Variants in CDS2 observed in about 807,000 individuals in gnomAD.
The protein encoded by CDS2 is CDP-diacylglycerol synthase 2.
In CDS2, 47 loss-of-function variants were observed where a neutral mutation model predicts 59.0. The ratio of observed to expected loss-of-function variants is 0.80; its 90% confidence interval spans 0.63 to 1.02. The LOEUF (loss-of-function observed/expected upper bound fraction) is 1.02. Ranked by LOEUF, CDS2 falls within the 50% of genes least tolerant of loss-of-function variation. CDS2 has a pLI of 0.00. For missense variants in CDS2, 356 were observed against 558.9 expected (o/e 0.64, Z 3.66); for synonymous variants, 207 against 206.4 (o/e 1.00, Z -0.02).
chr20:5,143,469 C>T (rs958236611), intron 1 of CDS2, among the ~76,000 whole-genome samples: 5 of 152,172 alleles, frequency 3.3e-5, no homozygotes, highest in Admixed American at 3.3e-4. Flanking sequence ...CATGTATTCA[C>T]TGAAAGTCAA....
intron 2 of CDS2, 137 bp from the exon 3 acceptor site, chr20:5,175,046 C>G: frequency 1.5e-6 from 1 of 659,770 alleles, no homozygotes. Context: ...GTGGCTGGTG[C>G]CTCCGTCACG....
intron 1 of CDS2, among the ~76,000 whole-genome samples, chr20:5,150,753 C>T (rs929243889): frequency 1.3e-5 from 2 of 152,216 alleles, no homozygotes; most frequent in African/African-American, 4.8e-5. Flanking sequence ...TCTGTCTCCT[C>T]TCTAGGCTTC....
At chr20:5,151,741 A>G (rs536501959) in intron 1 of CDS2, among the ~76,000 whole-genome samples, 73 of 114,304 alleles carry the variant, frequency 6.4e-4, no homozygotes, top group African/African-American at 2.4e-3. Flanking sequence ...CCTGGCCTAG[A>G]CTCCATGTCT....
rs903879063 is a variant in CDS2, at chr20:5,192,966, G to C, written c.*2732G>C. 4 of 152,260 alleles carry C rather than the reference G, an allele frequency of 2.6e-5. No individual in the cohort carries two copies. Among genetic ancestry groups the C allele is most frequent in the Admixed American group, 6.5e-5 (1 of 15,288 alleles). 9.4% of individuals were successfully genotyped at this position (152,260 alleles called of 1,614,324 possible). On this transcript the variant is annotated 3_prime_UTR_variant, in exon 13 of 13. Coordinates refer to ENST00000460006, the MANE Select transcript of CDS2 (RefSeq NM_003818.4). ...CCCTGCTTGCTTTTGTGAACGTCGT[G>C]TGAGTACACCGAGGTGTTGCAGCTT...
chr20:5,168,637 C>T (rs766041959), intron 1 of CDS2: 9 of 518,378 alleles, frequency 1.7e-5, no homozygotes, highest in Non-Finnish European at 3.1e-5. Flanking sequence ...AAGTGAAGAC[C>T]GAAAGGGAGC....
chr20:5,189,954 T>G lies in CDS2; in HGVS notation c.1205+116T>G, dbSNP rs1243974675. 7 of 1,337,440 alleles carry G rather than the reference T, an allele frequency of 5.2e-6. No homozygotes were observed. The African/African-American group carries it at 1.0e-4, about 19-fold the overall frequency. 82.8% of individuals were successfully genotyped at this position (1,337,440 alleles called of 1,614,324 possible). On this transcript the variant is annotated intron_variant, in intron 12 of 12. Transcript: ENST00000460006. Reference sequence around the variant, plus strand: ...GCATCCCAAATAATGCAGTTTTCAGTTGTTTCTGCTTACAGATTTTCTGAG... The same window carrying G: ...GCATCCCAAATAATGCAGTTTTCAGGTGTTTCTGCTTACAGATTTTCTGAG...
intron 1 of CDS2, among the ~76,000 whole-genome samples, chr20:5,144,779 G>A (rs955194874): frequency 6.6e-6 from 1 of 152,160 alleles, no homozygotes; most frequent in Admixed American, 6.6e-5. Flanking sequence ...AACAATCCGT[G>A]TATGTCTTCC....
At chr20:5,137,248 C>CTTT (rs11297837) in intron 1 of CDS2, among the ~76,000 whole-genome samples, 1 of 141,574 alleles carries the variant, frequency 7.1e-6, no homozygotes, top group East Asian at 2.1e-4. Context: ...CATTTCTACC[C>CTTT]TTTTTTTTTT....
intron 1 of CDS2, among the ~76,000 whole-genome samples, chr20:5,148,035 T>A (rs1283189882): frequency 6.6e-6 from 1 of 152,106 alleles, no homozygotes; most frequent in African/African-American, 2.4e-5. Flanking sequence ...CTTGGCTCAC[T>A]GCAACCTCTA....
chr20:5,188,950 A>T, intron 10 of CDS2, 117 bp from the exon 11 acceptor site: 1 of 1,275,384 alleles, frequency 7.8e-7, no homozygotes, highest in Non-Finnish European at 1.1e-6. Context: ...ACCTCCCACT[A>T]GGCATCACCT....
intron 1 of CDS2, among the ~76,000 whole-genome samples, chr20:5,158,237 T>G (rs1438270053): frequency 6.7e-6 from 1 of 150,366 alleles, no homozygotes; most frequent in Non-Finnish European, 1.5e-5. Flanking sequence ...TGGCACAGTC[T>G]CGGCTCACTG....
At chr20:5,141,869 C>T (rs1284702964) in intron 1 of CDS2, among the ~76,000 whole-genome samples, 3 of 151,904 alleles carry the variant, frequency 2.0e-5, no homozygotes, top group African/African-American at 7.3e-5. Flanking sequence ...CATTTGGTCA[C>T]AGAAGTCTTC....
chr20:5,143,518 C>G (rs556325040), intron 1 of CDS2, among the ~76,000 whole-genome samples: 1 of 152,106 alleles, frequency 6.6e-6, no homozygotes, highest in African/African-American at 2.4e-5. Flanking sequence ...TGTAGTAGCC[C>G]CAAACTTCAA....
intron 1 of CDS2, among the ~76,000 whole-genome samples, chr20:5,134,802 T>C (rs2090635398): frequency 6.6e-6 from 1 of 152,226 alleles, no homozygotes. Context: ...ATTACAGGCA[T>C]GAGCCACCGT....
At position 5,194,854 on chromosome 20, in the gene CDS2, A is replaced by G. The variant is rs1357233707; in HGVS notation, c.*4620A>G. The G allele has an allele frequency of 6.6e-6, 1 of 152,132 alleles. No individual in the cohort carries two copies. 9.4% of individuals were successfully genotyped at this position (152,132 alleles called of 1,614,324 possible). A position where few individuals can be genotyped will look rare whatever the true frequency, so the allele number is the denominator to read the frequency against. On this transcript the variant is annotated 3_prime_UTR_variant, in exon 13 of 13. Transcript: ENST00000460006. ...TGAGATATCAGTGTGTTTATTAATA[A>G]GGATTGCAATAGTATAGTGCTTAAT... is the stretch of plus-strand genomic sequence containing the variant.
intron 1 of CDS2, among the ~76,000 whole-genome samples, chr20:5,145,530 GT>G (rs149020505): frequency 0.012 from 1,867 of 152,172 alleles, 47 homozygotes; most frequent in African/African-American, 0.041. Context: ...CTTCTCCAGG[GT>G]TTCAGAGGGC....
At chr20:5,158,977 T>G (rs575749123) in intron 1 of CDS2, among the ~76,000 whole-genome samples, 1 of 152,174 alleles carries the variant, frequency 6.6e-6, no homozygotes, top group Non-Finnish European at 1.5e-5. Context: ...AGGCACTTGA[T>G]GTTAGGAAAA....
chr20:5,155,874 G>A (rs1295782867), intron 1 of CDS2, among the ~76,000 whole-genome samples: 1 of 152,162 alleles, frequency 6.6e-6, no homozygotes, highest in African/African-American at 2.4e-5. Context: ...AGAAAAGACT[G>A]AGAGTAAAGG....
chr20:5,187,107 G>A (rs977675132), intron 10 of CDS2: 1 of 272,980 alleles, frequency 3.7e-6, no homozygotes, highest in South Asian at 5.9e-5. Flanking sequence ...GGGGTAGGGT[G>A]GGGGGGTCTG....
Sources: allele counts gnomAD v4.1 joint callset (sites outside exome capture counted in the v4.1 genomes callset), GRCh38; gene constraint gnomAD v4.1.1; transcripts MANE v1.5; gene names NCBI Gene and HGNC (gene_info 2026-07-23, HGNC 2026-07-21).